Variants in XPO6 observed in about 807,000 individuals in gnomAD.
XPO6 encodes exportin-6.
In XPO6, 3 loss-of-function variants were observed where a neutral mutation model predicts 130.0. The ratio of observed to expected loss-of-function variants is 0.02; its 90% CI spans 0.01 to 0.06. XPO6 has a LOEUF of 0.06. XPO6 is among the 10% of genes least tolerant of loss of function. The probability of loss-of-function intolerance (pLI) is 1.00; values close to 1 mark genes in which losing one functional copy is unlikely to be tolerated. For missense variants in XPO6, 970 were observed against 1,393.0 expected, an observed-to-expected ratio of 0.70 and a Z score of 4.83; for synonymous variants, 524 against 548.9, an observed-to-expected ratio of 0.95 and a Z score of 0.63.
At chr16:28,127,145 C>T (rs1426891306) in intron 12 of XPO6, among the ~76,000 whole-genome samples, 1 of 152,178 alleles carries the variant, frequency 6.6e-6, no homozygotes, top group East Asian at 1.9e-4. Context: ...TCTCTCATGG[C>T]CTCGCCACCT....
chr16:28,187,616 A>G (rs1025030455), intron 1 of XPO6, among the ~76,000 whole-genome samples: 1 of 150,632 alleles, frequency 6.6e-6, no homozygotes, highest in Non-Finnish European at 1.5e-5. Flanking sequence ...GCTGAAAGTC[A>G]CTGTTCATAC....
rs2141236392 is a variant in XPO6 at position 28,106,028 on chromosome 16, C to T, written c.2784+15G>A. Reference sequence around the variant, plus strand: ...AGATGGGGGGTGCTGCACAGGGGACCGTCTGAGCCCCTACCTCGGCAATGA... The same window carrying T: ...AGATGGGGGGTGCTGCACAGGGGACTGTCTGAGCCCCTACCTCGGCAATGA... On this transcript the variant is annotated intron_variant, in intron 20 of 23. Coordinates refer to ENST00000304658, the MANE Select transcript of XPO6 (RefSeq NM_015171.4). The surrounding 1 kb of genome is among the most constrained non-coding windows in gnomAD (Gnocchi z 4.2). 1.2e-6 allele frequency: 2 copies of T among 1,607,696 alleles called. No individual in the cohort carries two copies. The highest frequency in any genetic ancestry group is 1.1e-5 in the South Asian group (1 of 90,980).
Position 28,111,814 on chromosome 16 carries a change from T to C in XPO6, c.2341+3A>G, listed in dbSNP as rs2141248083. 6.2e-7 allele frequency: 1 copy of C among 1,613,894 alleles called. No homozygotes were observed. The highest frequency in any genetic ancestry group is 2.2e-5 in the East Asian group (1 of 44,870). ...CAGCTGTCCTAGCCTAGGGGTCACT[T>C]ACTGTCATCCAGTGGCATCTTTCTC... On this transcript the variant is annotated splice_donor_region_variant and intron_variant, in intron 17 of 23. Coordinates refer to ENST00000304658, the MANE Select transcript of XPO6 (RefSeq NM_015171.4).
intron 1 of XPO6, among the ~76,000 whole-genome samples, chr16:28,195,080 G>A (rs141770240): frequency 1.1e-3 from 172 of 151,654 alleles, no homozygotes; most frequent in African/African-American, 4.0e-3. Context: ...ACATGACACC[G>A]ACCATAATGA....
At chr16:28,126,408 T>TA (rs935202334) in intron 12 of XPO6, among the ~76,000 whole-genome samples, 3 of 152,058 alleles carry the variant, frequency 2.0e-5, no homozygotes, top group African/African-American at 7.2e-5. Flanking sequence ...CAGTATGAAA[T>TA]AAAGAGTATG....
At chr16:28,131,459 A>T (rs1440588113) in intron 12 of XPO6, among the ~76,000 whole-genome samples, 1 of 152,252 alleles carries the variant, frequency 6.6e-6, no homozygotes, top group Non-Finnish European at 1.5e-5. Context: ...TGCTGGGAAG[A>T]AGGAAGGGCA....
chr16:28,106,791 T>C lies in XPO6; in HGVS notation c.2498-294A>G, dbSNP rs983022765. Among the ~76,000 whole-genome samples, 10 of 152,196 alleles carry C rather than the reference T, an allele frequency of 6.6e-5. No homozygotes were observed. Among genetic ancestry groups the C allele is most frequent in the African/African-American group, 2.2e-4 (9 of 41,452 alleles). On this transcript the variant is annotated intron_variant, in intron 18 of 23. Transcript: ENST00000304658. This position sits in a 1 kb window ranked among gnomAD's most constrained non-coding sequence, Gnocchi z 4.2. Reference sequence around the variant, plus strand: ...CATCCAGTGATGGTCAGAGTTTCACTGGAGAGGGATCACTTTGTGCCCACA... The same window carrying C: ...CATCCAGTGATGGTCAGAGTTTCACCGGAGAGGGATCACTTTGTGCCCACA...
At chr16:28,152,817 GA>G in intron 7 of XPO6, 32 bp from the exon 8 acceptor site, 1 of 1,601,728 alleles carries the variant, frequency 6.2e-7, no homozygotes, top group Non-Finnish European at 8.5e-7. Context: ...GTGACAATAA[GA>G]AACCCAGCCA....
At position 28,098,371 on chromosome 16, in the gene XPO6, G is replaced by C. The variant is rs2086578848; in HGVS notation, c.*167C>G. On this transcript the variant is annotated 3_prime_UTR_variant, in exon 24 of 24. Transcript: ENST00000304658. ...TCAGGTGGACCCAGAAGCCAGCTCT[G>C]CTGGGCAGCGGCAAGATGTGGAGGA... 1.6e-6 allele frequency: 1 copy of C among 611,388 alleles called. No individual in the cohort carries two copies. Among genetic ancestry groups the C allele is most frequent in the African/African-American group, 1.8e-5 (1 of 54,112 alleles). The allele number at this position is 611,388 out of a possible 1,614,324, so 37.9% of individuals were successfully genotyped here.
chr16:28,136,167 A>C (rs2042771221), intron 9 of XPO6, among the ~76,000 whole-genome samples: 1 of 152,210 alleles, frequency 6.6e-6, no homozygotes, highest in Non-Finnish European at 1.5e-5. Flanking sequence ...CCCCTAATTC[A>C]AAATCATGTT....
At position 28,145,746 on chromosome 16, in the gene XPO6, C is replaced by T. The variant is rs145839654; in HGVS notation, c.1334+348G>A. On this transcript the variant is annotated intron_variant, in intron 9 of 23. Coordinates refer to ENST00000304658, the MANE Select transcript of XPO6 (RefSeq NM_015171.4). The stretch of plus-strand genomic sequence containing the variant: ...TTTCTTCTCTACAGGAACCCACTTC[C>T]CTTCTACCCCCACTGGGTTATTTAA... 6.3e-4 allele frequency among the ~76,000 whole-genome samples: 96 copies of T among 152,294 alleles called. No homozygotes were observed. In the East Asian group the frequency reaches 8.5e-3, roughly 13 times the overall value.
chr16:28,199,851 G>C (rs1000694400), intron 1 of XPO6, among the ~76,000 whole-genome samples: 1 of 149,648 alleles, frequency 6.7e-6, no homozygotes, highest in Non-Finnish European at 1.5e-5. Context: ...GCCTCCTCAT[G>C]AATTTTTTAA....
chr16:28,177,940 T>A (rs2141866066), intron 2 of XPO6, among the ~76,000 whole-genome samples: 1 of 152,308 alleles, frequency 6.6e-6, no homozygotes, highest in East Asian at 1.9e-4. Context: ...TGACGAGTGT[T>A]GCGGCGAGTA....
At chr16:28,144,249 ATAGCAACC>A (rs2042944819) in intron 9 of XPO6, among the ~76,000 whole-genome samples, 1 of 152,254 alleles carries the variant, frequency 6.6e-6, no homozygotes, top group Admixed American at 6.5e-5. Flanking sequence ...ACCTGACACC[ATAGCAACC>A]TGGAACTTAT....
chr16:28,139,025 T>A (rs944180202), intron 9 of XPO6, among the ~76,000 whole-genome samples: 1 of 152,214 alleles, frequency 6.6e-6, no homozygotes, highest in East Asian at 1.9e-4. Context: ...GGTTCCTCTA[T>A]GGTCTGAATT....
In XPO6 at chr16:28,101,764, A is replaced by G. The variant is rs116885471; in HGVS notation, c.3046-76T>C. Reference sequence around the variant, plus strand: ...CCGGGTCCCATCCACTTTCTGTCACACTCTCCAGTGAGTAACCTGAGGGTG... The same window carrying G: ...CCGGGTCCCATCCACTTTCTGTCACGCTCTCCAGTGAGTAACCTGAGGGTG... On this transcript the variant is annotated intron_variant, in intron 22 of 23. Coordinates refer to ENST00000304658, the MANE Select transcript of XPO6 (RefSeq NM_015171.4). This position sits in a 1 kb window ranked among gnomAD's most constrained non-coding sequence, Gnocchi z 5.4. 2.5e-6 allele frequency: 4 copies of G among 1,584,116 alleles called. No homozygotes were observed. The highest frequency in any genetic ancestry group is 2.2e-5 in the East Asian group (1 of 44,624).
intron 2 of XPO6, among the ~76,000 whole-genome samples, chr16:28,179,811 A>G (rs532755547): frequency 1.3e-5 from 2 of 152,156 alleles, no homozygotes; most frequent in South Asian, 4.1e-4. Flanking sequence ...AAGAGAACTG[A>G]ACTAAGACAA....
At chr16:28,199,316 T>C (rs1391681582) in intron 1 of XPO6, among the ~76,000 whole-genome samples, 2 of 152,208 alleles carry the variant, frequency 1.3e-5, no homozygotes, top group Admixed American at 1.3e-4. Context: ...TGCAGATGAA[T>C]AATTTCCTGG....
At chr16:28,138,697 T>G (rs1489423147) in intron 9 of XPO6, among the ~76,000 whole-genome samples, 1 of 152,146 alleles carries the variant, frequency 6.6e-6, no homozygotes, top group African/African-American at 2.4e-5. Flanking sequence ...AACGAGAGCC[T>G]AAAAGCAGCT....
Sources: allele counts gnomAD v4.1 joint callset (sites outside exome capture counted in the v4.1 genomes callset), GRCh38; gene constraint gnomAD v4.1.1; non-coding constraint Gnocchi (gnomAD v3.1); transcripts MANE v1.5; gene names NCBI Gene and HGNC (gene_info 2026-07-23, HGNC 2026-07-21).